The following GARRE1 variants were observed in gnomAD, a reference collection of about 807,000 sequenced individuals.
The protein encoded by GARRE1 is granule associated Rac and RHOG effector protein 1.
GARRE1 carries 49 observed loss-of-function variants against 103.2 expected under a neutral mutation model. The ratio of observed to expected loss-of-function variants is 0.47; its 90% CI spans 0.38 to 0.60. GARRE1 has a LOEUF of 0.60. GARRE1 is among the 20% of genes least tolerant of loss of function. The probability of loss-of-function intolerance (pLI) is 0.00; values close to 1 mark genes in which losing one functional copy is unlikely to be tolerated. For missense variants in GARRE1, 1,199 were observed against 1,370.5 expected (o/e 0.87, Z 1.98); for synonymous variants, 505 against 532.8 (o/e 0.95, Z 0.72).
chr19:34,343,754 G>A (rs1020090201), intron 10 of GARRE1, among the ~76,000 whole-genome samples: 8 of 152,114 alleles, frequency 5.3e-5, no homozygotes, highest in African/African-American at 1.9e-4. Context: ...GGCTGAGGTG[G>A]GAAGATCGCT....
intron 1 of GARRE1, among the ~76,000 whole-genome samples, chr19:34,277,508 G>T (rs1031675560): frequency 6.6e-6 from 1 of 152,266 alleles, no homozygotes; most frequent in Non-Finnish European, 1.5e-5. Context: ...TAAGTAATTC[G>T]CTAGATATAG....
At chr19:34,289,032 G>T (rs2073902795) in intron 1 of GARRE1, among the ~76,000 whole-genome samples, 1 of 152,070 alleles carries the variant, frequency 6.6e-6, no homozygotes, top group Admixed American at 6.6e-5. Flanking sequence ...TACTCAGGAG[G>T]CTGAGGTAGG....
intron 2 of GARRE1, among the ~76,000 whole-genome samples, chr19:34,319,255 G>A (rs2074074250): frequency 6.6e-6 from 1 of 151,996 alleles, no homozygotes; most frequent in Non-Finnish European, 1.5e-5. Flanking sequence ...TTTCCTACTT[G>A]GACTATTAGC....
chr19:34,297,516 G>A (rs1399884622), intron 1 of GARRE1, among the ~76,000 whole-genome samples: 3 of 152,166 alleles, frequency 2.0e-5, no homozygotes, highest in Admixed American at 1.3e-4. Context: ...AGAGGCAGCC[G>A]CGGTAGAGGA....
chr19:34,269,865 T>C (rs1254727356), intron 1 of GARRE1, among the ~76,000 whole-genome samples: 1 of 152,244 alleles, frequency 6.6e-6, no homozygotes. Flanking sequence ...GCTTTAGTAT[T>C]AATTCCATGG....
chr19:34,289,389 C>T (rs1248283134), intron 1 of GARRE1, among the ~76,000 whole-genome samples: 1 of 151,774 alleles, frequency 6.6e-6, no homozygotes, highest in Non-Finnish European at 1.5e-5. Flanking sequence ...TTGCAGTGAG[C>T]CAGGATCTCA....
chr19:34,352,515 G>GGACAGGGGTGTGGGAGT (rs2145290309), intron 13 of GARRE1, 132 bp from the exon 14 acceptor site: 1 of 723,884 alleles, frequency 1.4e-6, no homozygotes, highest in East Asian at 2.5e-5. Flanking sequence ...AAGTTCTGTT[G>GGACAGGGGTGTGGGAGT]GACAGGGGTG....
intron 1 of GARRE1, among the ~76,000 whole-genome samples, chr19:34,286,270 A>G (rs1170079796): frequency 1.3e-5 from 2 of 152,218 alleles, no homozygotes; most frequent in Non-Finnish European, 2.9e-5. Flanking sequence ...CCCAGGCTGG[A>G]GTGCAGTGGC....
rs76180471 is a variant in GARRE1 at position 34,296,875 on chromosome 19, C to T, written c.-795-2804C>T. Among the ~76,000 whole-genome samples, 1,228 of 152,168 alleles carry T rather than the reference C, an allele frequency of 8.1e-3. 8 individuals carry two copies. The highest frequency in any genetic ancestry group is 0.028 in the African/African-American group (1,145 of 41,516). On this transcript the variant is annotated intron_variant, in intron 1 of 13. Coordinates refer to ENST00000299505, the MANE Select transcript of GARRE1 (RefSeq NM_014686.5). ...CCCAGGCTGCTCTTAGACTCCTGGG[C>T]TCAAGTGATGTTCTCACCTTGGCCA... is the stretch of plus-strand genomic sequence containing the variant.
At chr19:34,272,523 C>T (rs1056581344) in intron 1 of GARRE1, among the ~76,000 whole-genome samples, 9 of 152,090 alleles carry the variant, frequency 5.9e-5, no homozygotes, top group Admixed American at 4.6e-4. Flanking sequence ...ACTTGAAGAC[C>T]CTGCAGAGAT....
At chr19:34,329,178 T>C (rs1448150700) in intron 6 of GARRE1, among the ~76,000 whole-genome samples, 1 of 152,276 alleles carries the variant, frequency 6.6e-6, no homozygotes, top group Non-Finnish European at 1.5e-5. Context: ...ACATGGGAAC[T>C]GATACCCAAG....
At chr19:34,298,666 C>T (rs542295167) in intron 1 of GARRE1, among the ~76,000 whole-genome samples, 6 of 150,078 alleles carry the variant, frequency 4.0e-5, no homozygotes, top group Middle Eastern at 3.7e-3. Flanking sequence ...GCTGAGACCA[C>T]GCCACTGCAC....
Position 34,352,826 on chromosome 19 carries a change from C to A in GARRE1, c.3084C>A (p.Ala1028=). The A allele has an allele frequency of 1.2e-6, 2 of 1,612,464 alleles. No homozygotes were observed. The highest frequency in any genetic ancestry group is 1.7e-6 in the Non-Finnish European group (2 of 1,179,302). Residue 1028 remains alanine (A), a synonymous_variant, in exon 14 of 14, where the codon GCC becomes GCA. Coordinates refer to ENST00000299505, the MANE Select transcript of GARRE1 (RefSeq NM_014686.5). ...GGGCCGCAACCAACGACTGCAGTGC[C>A]GCTGCCTTCTCCTATGTGCAGACCC... is the stretch of plus-strand genomic sequence containing the variant. ...PVWAATNDCS[A]AAFSYVQTPP... is the part of the protein sequence containing the mutation.
At chr19:34,264,486 C>T (rs2073739295) in intron 1 of GARRE1, among the ~76,000 whole-genome samples, 1 of 151,946 alleles carries the variant, frequency 6.6e-6, no homozygotes, top group Non-Finnish European at 1.5e-5. Flanking sequence ...GCAAGCTCTG[C>T]CTCCCCGGTT....
chr19:34,279,398 C>T (rs968679136), intron 1 of GARRE1, among the ~76,000 whole-genome samples: 3 of 151,798 alleles, frequency 2.0e-5, no homozygotes, highest in Admixed American at 6.6e-5. Flanking sequence ...CTGTGCTTCC[C>T]GGGCTCAGGT....
Position 34,339,848 on chromosome 19 carries a change from C to T in GARRE1, c.1362-19C>T. 2 of 1,613,868 alleles carry T rather than the reference C, an allele frequency of 1.2e-6. No homozygotes were observed. The highest frequency in any genetic ancestry group is 1.7e-6 in the Non-Finnish European group (2 of 1,179,882). ...CAGAGAAATGCAGCCAAGACTAATG[C>T]AGCCTAATCTATGCCTAGGTGCCTG... On this transcript the variant is annotated intron_variant, in intron 8 of 13. Coordinates refer to ENST00000299505, the MANE Select transcript of GARRE1 (RefSeq NM_014686.5).
chr19:34,342,603 T>G, intron 10 of GARRE1, 148 bp downstream of exon 10: 5 of 709,626 alleles, frequency 7.0e-6, no homozygotes. Context: ...GAGGCAAGTA[T>G]GGGGCAGATC....
At position 34,342,003 on chromosome 19, in the gene GARRE1, A is replaced by G. The variant is rs972739705; in HGVS notation, c.2069A>G (p.Gln690Arg). Residue 690 changes from glutamine to arginine, a missense_variant, in exon 10 of 14, where the codon CAG becomes CGG. Transcript: ENST00000299505. The part of the protein sequence containing the change: ...TEQKAGAMQP[Q>R]QPSLPVPPPP... ...CAGAAGGCAGGAGCCATGCAACCAC[A>G]GCAGCCGTCACTGCCTGTGCCCCCT... is the stretch of plus-strand genomic sequence containing the variant. 12 of 1,614,012 alleles carry G rather than the reference A, an allele frequency of 7.4e-6. No homozygotes were observed. The highest frequency in any genetic ancestry group is 1.6e-4 in the Middle Eastern group (1 of 6,084).
intron 3 of GARRE1, 82 bp downstream of exon 3, chr19:34,320,198 C>T (rs62122215): frequency 0.17 from 189,861 of 1,111,460 alleles, 18,737 homozygotes; most frequent in Non-Finnish European, 0.21. Context: ...ATTCTCAAAA[C>T]AGCCATTTCA....
Sources: gnomAD v4.1 joint callset for allele counts (sites outside exome capture counted in the v4.1 genomes callset) on GRCh38, gnomAD v4.1.1 for gene constraint, MANE v1.5 for transcripts, NCBI Gene and HGNC (gene_info 2026-07-23, HGNC 2026-07-21) for gene names.